The following GCNT1 variants were observed in gnomAD, a reference collection of about 807,000 sequenced individuals.
GCNT1 encodes glucosaminyl (N-acetyl) transferase 1, also known as beta-1,3-galactosyl-O-glycosyl-glycoprotein beta-1,6-N-acetylglucosaminyltransferase.
Under a neutral mutation model 26.2 loss-of-function variants are expected in GCNT1, and 16 were observed. The observed-to-expected ratio is 0.61, with a 90% CI of 0.41 to 0.93. The LOEUF is 0.93. Among genes scored for constraint, GCNT1 ranks in the 40% least tolerant of loss-of-function variants. The pLI is 0.00. For missense variants in GCNT1, 477 were observed against 526.7 expected, an observed-to-expected ratio of 0.91 and a Z score of 0.92; for synonymous variants, 183 against 190.8, an observed-to-expected ratio of 0.96 and a Z score of 0.34.
At chr9:76,482,704 G>A (rs1212858173) in intron 2 of GCNT1, among the ~76,000 whole-genome samples, 2 of 151,954 alleles carry the variant, frequency 1.3e-5, no homozygotes, top group South Asian at 2.1e-4. Flanking sequence ...GAGTGCAGTG[G>A]TGTGATCATG....
At position 76,443,902 on chromosome 9, in the gene GCNT1, G is replaced by GAAAGA. The variant is rs1564225796; in HGVS notation, c.-290+1589_-290+1590insAGAAA. On this transcript the variant is annotated intron_variant, in intron 1 of 2. Coordinates refer to the GCNT1 transcript ENST00000442371. ...GAAAGAAAGAAAGAAAGAAAGAAAG[G>GAAAGA]AAGAAAGGAAGAAAGGAAGAAAGGA... Among the ~76,000 whole-genome samples the GAAAGA allele has an allele frequency of 1.4e-3, 92 of 64,454 alleles. 3 individuals are homozygous for GAAAGA. The highest frequency in any genetic ancestry group is 2.4e-3 in the African/African-American group (39 of 16,240). 42.3% of individuals were successfully genotyped at this position (64,454 alleles called of 152,430 possible).
At chr9:76,420,498 C>A (rs979226037) in intron 1 of GCNT1, 2 of 151,334 alleles carry the variant, frequency 1.3e-5, no homozygotes, top group African/African-American at 4.9e-5. Flanking sequence ...TGGCCTTGAA[C>A]TCCTGGGCTC....
At chr9:76,410,153 T>C in the GCNT1 span, among the ~76,000 whole-genome samples, 1 of 152,002 alleles carries the variant, frequency 6.6e-6, no homozygotes, top group South Asian at 2.1e-4. Flanking sequence ...AAATTTGGGC[T>C]GGGCACGGTG....
At chr9:76,396,827 A>T in the GCNT1 span, among the ~76,000 whole-genome samples, 3 of 152,190 alleles carry the variant, frequency 2.0e-5, no homozygotes, top group Non-Finnish European at 2.9e-5. Flanking sequence ...CAACAGAGCG[A>T]GACTCTGTCT....
the GCNT1 span, chr9:76,399,283 G>A: frequency 5.0e-6 from 7 of 1,413,072 alleles, no homozygotes; most frequent in Non-Finnish European, 6.9e-6. Context: ...ACCACCCGTG[G>A]GAGGTCATGC....
At chr9:76,488,163 T>C (rs914006866) in intron 2 of GCNT1, among the ~76,000 whole-genome samples, 7 of 152,222 alleles carry the variant, frequency 4.6e-5, no homozygotes, top group Non-Finnish European at 1.0e-4. Context: ...CTTCCTCCCA[T>C]TGTTCTGACA....
At chr9:76,483,589 A>T (rs958721975) in intron 2 of GCNT1, among the ~76,000 whole-genome samples, 3 of 151,446 alleles carry the variant, frequency 2.0e-5, no homozygotes, top group African/African-American at 4.9e-5. Flanking sequence ...TAATTTTTAA[A>T]TTTTTCTTGT....
the GCNT1 span, among the ~76,000 whole-genome samples, chr9:76,407,537 C>G: frequency 4.6e-5 from 7 of 152,082 alleles, no homozygotes; most frequent in Admixed American, 4.6e-4. Flanking sequence ...TATAGTAAAT[C>G]GTGAAGTCAG....
chr9:76,472,239 C>T (rs1824146612), intron 2 of GCNT1, among the ~76,000 whole-genome samples: 1 of 152,276 alleles, frequency 6.6e-6, no homozygotes, highest in Middle Eastern at 3.4e-3. Context: ...GTCAAGATCG[C>T]ACCTCTGTAC....
intron 2 of GCNT1, among the ~76,000 whole-genome samples, chr9:76,491,813 C>T (rs1824745343): frequency 6.6e-6 from 1 of 152,202 alleles, no homozygotes. Context: ...TTGAGGGCTG[C>T]ACACGTGCAT....
intron 2 of GCNT1, among the ~76,000 whole-genome samples, chr9:76,495,244 A>G (rs602075): frequency 0.82 from 124,233 of 152,058 alleles, 51,328 homozygotes; most frequent in African/African-American, 0.93. Context: ...TTTGCAGTGA[A>G]TGTTACAGCT....
chr9:76,490,746 T>C lies in GCNT1; in HGVS notation c.-289-10170T>C, dbSNP rs139042542. ...CTCACTTGTTTGAGCAGACCAATTA[T>C]TAGGCAAGTTTCCTAACTGCAAGAG... On this transcript the variant is annotated intron_variant, in intron 2 of 3. Transcript: ENST00000376730. Among the ~76,000 whole-genome samples the C allele has an allele frequency of 4.9e-4, 57 of 115,436 alleles. 1 individual carries two copies. The East Asian group carries it at 0.015, about 31-fold the overall frequency. 75.7% of individuals were successfully genotyped at this position (115,436 alleles called of 152,430 possible).
At chr9:76,407,005 C>T in the GCNT1 span, among the ~76,000 whole-genome samples, 1 of 152,216 alleles carries the variant, frequency 6.6e-6, no homozygotes, top group African/African-American at 2.4e-5. Flanking sequence ...TGTGCCATTG[C>T]ACTTCAGCCT....
chr9:76,393,954 G>A, the GCNT1 span: 3 of 750,674 alleles, frequency 4.0e-6, no homozygotes, highest in African/African-American at 1.8e-5. Context: ...ACAGACAAGG[G>A]GATGCGGGAG....
chr9:76,458,564 G>A (rs1248597957), upstream of GCNT1, among the ~76,000 whole-genome samples: 1 of 152,156 alleles, frequency 6.6e-6, no homozygotes, highest in Non-Finnish European at 1.5e-5. Flanking sequence ...AGAAGACACA[G>A]ACACAATATT....
rs767575097 is a variant in GCNT1 at position 76,503,394 on chromosome 9, C to A, written c.1013C>A (p.Ala338Asp). 5.0e-6 allele frequency: 8 copies of A among 1,614,118 alleles called. No individual in the cohort carries two copies. The South Asian group carries it at 7.7e-5, about 16-fold the overall frequency. The change falls in exon 4 of 4, where the codon GCC becomes GAC. Residue 338 changes from alanine to aspartate, a missense_variant. Transcript: ENST00000376730. Reference protein sequence around the residue: ...RIPEVPGSLPASHKYDLSDMQ... With the variant: ...RIPEVPGSLPDSHKYDLSDMQ... ...CCTGAAGTCCCGGGCTCACTCCCTGCCAGCCATAAGTATGATCTGTCTGAC... is the reference window on the plus strand; with the variant it reads ...CCTGAAGTCCCGGGCTCACTCCCTGACAGCCATAAGTATGATCTGTCTGAC...
chr9:76,433,588 C>T (rs145232888), intron 1 of GCNT1, among the ~76,000 whole-genome samples: 14 of 152,300 alleles, frequency 9.2e-5, no homozygotes, highest in African/African-American at 3.4e-4. Flanking sequence ...CCACACACCC[C>T]CTCCTGCCAG....
the GCNT1 span, among the ~76,000 whole-genome samples, chr9:76,397,109 C>T: frequency 1.3e-5 from 2 of 152,300 alleles, no homozygotes; most frequent in East Asian, 1.9e-4. Context: ...TGGCAAAACT[C>T]GGTCTCTACT....
the GCNT1 span, chr9:76,394,130 C>G: frequency 1.9e-6 from 3 of 1,609,866 alleles, no homozygotes; most frequent in Non-Finnish European, 2.5e-6. Context: ...GGCCGAAGCC[C>G]CGCACCACTT....
Sources: allele counts gnomAD v4.1 joint callset (sites outside exome capture counted in the v4.1 genomes callset), GRCh38; gene constraint gnomAD v4.1.1; transcripts MANE v1.5; gene names NCBI Gene and HGNC (gene_info 2026-07-23, HGNC 2026-07-21).